The following ACSBG1 variants were observed in gnomAD, a reference collection of about 807,000 sequenced individuals.
The protein encoded by ACSBG1 is acyl-CoA synthetase bubblegum family member 1.
Under a neutral mutation model 80.2 loss-of-function variants are expected in ACSBG1, and 39 were observed. That is an observed-to-expected ratio of 0.49 (90% confidence interval 0.38 to 0.64). The LOEUF (loss-of-function observed/expected upper bound fraction) is 0.64, where lower values mean the gene tolerates loss of function less well. ACSBG1 is among the 30% of genes least tolerant of loss of function. ACSBG1 has a pLI of 0.00. For synonymous variants in ACSBG1, 392 were observed against 379.5 expected (o/e 1.03, Z -0.38); for missense variants, 828 against 966.4 (o/e 0.86, Z 1.90).
chr15:78,215,739 A>G (rs537260469), intron 1 of ACSBG1, among the ~76,000 whole-genome samples: 60 of 140,574 alleles, frequency 4.3e-4, no homozygotes, highest in Non-Finnish European at 8.0e-4. Context: ...AGAAAGAAAG[A>G]AAGAAAGAAA....
chr15:78,234,244 CCTT>C, intron 1 of ACSBG1, 124 bp downstream of exon 1: 1 of 1,336,348 alleles, frequency 7.5e-7, no homozygotes, highest in African/African-American at 1.5e-5. Context: ...CAGATCCTTC[CCTT>C]CATTTCCCAG....
chr15:78,194,940 A>G (rs1369676908), intron 2 of ACSBG1, among the ~76,000 whole-genome samples: 1 of 152,244 alleles, frequency 6.6e-6, no homozygotes, highest in Non-Finnish European at 1.5e-5. Context: ...AGCAAAGTTT[A>G]GGGATGCAGC....
At chr15:78,228,190 A>G (rs114263001) in intron 1 of ACSBG1, among the ~76,000 whole-genome samples, 2,135 of 152,228 alleles carry the variant, frequency 0.014, 51 homozygotes, top group African/African-American at 0.048. Flanking sequence ...TGTTCCTCAC[A>G]GGCTCCTTTC....
At chr15:78,198,532 G>C (rs1274050662) in intron 2 of ACSBG1, among the ~76,000 whole-genome samples, 1 of 151,420 alleles carries the variant, frequency 6.6e-6, no homozygotes, top group Admixed American at 6.6e-5. Flanking sequence ...TTTTTTAGTA[G>C]AGATGGCGTT....
chr15:78,211,168 A>G (rs2075263568), intron 1 of ACSBG1, among the ~76,000 whole-genome samples: 1 of 152,236 alleles, frequency 6.6e-6, no homozygotes, highest in African/African-American at 2.4e-5. Context: ...TAACTCCTCA[A>G]AAGCATTTTG....
chr15:78,218,745 A>G (rs772671352), intron 1 of ACSBG1, among the ~76,000 whole-genome samples: 2 of 148,732 alleles, frequency 1.3e-5, no homozygotes, highest in Admixed American at 1.3e-4. Flanking sequence ...TTGAGTTTCA[A>G]ATCGAGGCAA....
chr15:78,230,374 G>C (rs1340597011), intron 1 of ACSBG1, among the ~76,000 whole-genome samples: 1 of 152,220 alleles, frequency 6.6e-6, no homozygotes, highest in Non-Finnish European at 1.5e-5. Flanking sequence ...GCCCTCCTCG[G>C]GCTCTCAGCC....
chr15:78,196,861 T>A (rs1356987361), intron 2 of ACSBG1, among the ~76,000 whole-genome samples: 2 of 148,656 alleles, frequency 1.3e-5, no homozygotes, highest in Non-Finnish European at 3.0e-5. Flanking sequence ...AGCCCAGGAG[T>A]TCAAGACCAG....
Position 78,170,163 on chromosome 15 carries a change from AG to A in ACSBG1, c.*1280del, listed in dbSNP as rs1358869054. The stretch of plus-strand genomic sequence containing the variant: ...GGCTTGGGCTCAGCTTTTGACCCTC[AG>A]GCATCTCCTTTCCCTTCCTGTCTTC... On this transcript the variant is annotated 3_prime_UTR_variant, in exon 14 of 14. Transcript: ENST00000258873. The A allele has an allele frequency of 2.0e-5, 3 of 152,294 alleles. No individual in the cohort carries two copies. Among genetic ancestry groups the A allele is most frequent in the East Asian group, 1.9e-4 (1 of 5,194 alleles). The allele number at this position is 152,294 out of a possible 1,614,324, so 9.4% of individuals were successfully genotyped here.
In ACSBG1 at chr15:78,169,669, C is replaced by G. The variant is rs946707996; in HGVS notation, c.*1775G>C. On this transcript the variant is annotated 3_prime_UTR_variant, in exon 14 of 14. Transcript: ENST00000258873. ...AAAGGTAATATATTGGATACAAAGA[C>G]ACAAATGTATTGTGTGTTCAATTAT... is the stretch of plus-strand genomic sequence containing the variant. 1 of 152,160 alleles carries G rather than the reference C, an allele frequency of 6.6e-6. No homozygotes were observed. The highest frequency in any genetic ancestry group is 1.5e-5 in the Non-Finnish European group (1 of 68,016). 9.4% of individuals were successfully genotyped at this position (152,160 alleles called of 1,614,324 possible). A position where few individuals can be genotyped will look rare whatever the true frequency, so the allele number is the denominator to read the frequency against.
rs545643518 is a variant in ACSBG1, at chr15:78,177,967, C to T, written c.1702+647G>A. 7.2e-5 allele frequency among the ~76,000 whole-genome samples: 11 copies of T among 152,226 alleles called. No homozygotes were observed. The highest frequency in any genetic ancestry group is 1.9e-4 in the African/African-American group (8 of 41,532). On this transcript the variant is annotated intron_variant, in intron 11 of 13. Transcript: ENST00000258873. This position sits in a 1 kb window ranked among gnomAD's most constrained non-coding sequence, Gnocchi z 4.1. Reference sequence around the variant, plus strand: ...TTTGCATTCTATTCCCCATCATATCCATGTTTGCATATAAAAATACATAAT... The same window carrying T: ...TTTGCATTCTATTCCCCATCATATCTATGTTTGCATATAAAAATACATAAT...
chr15:78,193,480 C>T (rs1475703036), intron 5 of ACSBG1, 26 bp downstream of exon 5: 1 of 1,593,268 alleles, frequency 6.3e-7, no homozygotes, highest in South Asian at 1.2e-5. Context: ...GCATCTGACC[C>T]CATGCCCACT....
intron 5 of ACSBG1, among the ~76,000 whole-genome samples, chr15:78,190,110 T>C (rs942426096): frequency 6.6e-6 from 1 of 152,146 alleles, no homozygotes; most frequent in Non-Finnish European, 1.5e-5. Context: ...AAATTTTCTC[T>C]GAAAGATACT....
chr15:78,186,823 C>A lies in ACSBG1; in HGVS notation c.664-4038G>T, dbSNP rs2075009318. ...GCAGAAGGCAAGAAATAACTAAAAT[C>A]AAAGCAGAACTGAATGAAATAGAGA... On this transcript the variant is annotated intron_variant, in intron 5 of 13. Transcript: ENST00000258873. 3.3e-5 allele frequency among the ~76,000 whole-genome samples: 5 copies of A among 152,126 alleles called. No homozygotes were observed. The South Asian group carries it at 1.0e-3, about 31-fold the overall frequency.
rs149879219 is a variant in ACSBG1, at chr15:78,187,069, T to C, written c.664-4284A>G. ...ACCTCTACTCAAATAAACTAGAAAA[T>C]CTACAAGAAATGGATACTTTCCTTG... On this transcript the variant is annotated intron_variant, in intron 5 of 13. Transcript: ENST00000258873. 7.2e-3 allele frequency among the ~76,000 whole-genome samples: 1,095 copies of C among 152,052 alleles called. 21 individuals are homozygous for C. The highest frequency in any genetic ancestry group is 0.025 in the African/African-American group (1,043 of 41,442).
intron 1 of ACSBG1, among the ~76,000 whole-genome samples, chr15:78,232,069 C>T (rs1595910056): frequency 6.6e-6 from 1 of 152,314 alleles, no homozygotes; most frequent in Middle Eastern, 3.4e-3. Context: ...GAACCCAAGG[C>T]ATGTGACCTC....
intron 1 of ACSBG1, among the ~76,000 whole-genome samples, chr15:78,222,097 A>G (rs1232599335): frequency 6.6e-6 from 1 of 152,364 alleles, no homozygotes; most frequent in Non-Finnish European, 1.5e-5. Flanking sequence ...TGTTCACATA[A>G]TGGAATATTA....
At chr15:78,200,044 GAA>G (rs1253594377) in intron 2 of ACSBG1, among the ~76,000 whole-genome samples, 1 of 152,150 alleles carries the variant, frequency 6.6e-6, no homozygotes, top group East Asian at 1.9e-4. Flanking sequence ...CGGATCAAGA[GAA>G]AAGAGTGTTT....
At chr15:78,171,606 C>A in intron 13 of ACSBG1, 77 bp from the exon 14 acceptor site, 1 of 1,225,840 alleles carries the variant, frequency 8.2e-7, no homozygotes, top group Non-Finnish European at 1.2e-6. Context: ...AAGACTCACA[C>A]TCAGTCCTAT....
Sources: gnomAD v4.1 joint callset for allele counts (sites outside exome capture counted in the v4.1 genomes callset) on GRCh38, gnomAD v4.1.1 for gene constraint, Gnocchi (gnomAD v3.1) non-coding constraint, MANE v1.5 for transcripts, NCBI Gene and HGNC (gene_info 2026-07-23, HGNC 2026-07-21) for gene names.